Variants in NKAIN3 observed in about 807,000 individuals in gnomAD.
The protein encoded by NKAIN3 is sodium/potassium transporting ATPase interacting 3, also known as sodium/potassium-transporting ATPase subunit beta-1-interacting protein 3.
NKAIN3 carries 25 observed loss-of-function variants against 30.2 expected under a neutral mutation model. That is an observed-to-expected ratio of 0.83 (90% CI 0.60 to 1.16). The LOEUF is 1.16. Among genes scored for constraint, NKAIN3 ranks in the 50% most tolerant of loss-of-function variants. NKAIN3 has a pLI of 0.00. For missense variants in NKAIN3, 225 were observed against 254.1 expected, an observed-to-expected ratio of 0.89 and a Z score of 0.78; for synonymous variants, 91 against 89.6, an observed-to-expected ratio of 1.02 and a Z score of -0.09.
At chr8:62,992,163 A>C (rs1824335162) in intron 5 of NKAIN3, among the ~76,000 whole-genome samples, 1 of 151,630 alleles carries the variant, frequency 6.6e-6, no homozygotes, top group East Asian at 1.9e-4. Context: ...ACAGGCATGC[A>C]CCACCACACC....
chr8:62,414,831 T>C (rs993852750), intron 1 of NKAIN3, among the ~76,000 whole-genome samples: 1 of 151,710 alleles, frequency 6.6e-6, no homozygotes, highest in African/African-American at 2.4e-5. Context: ...TAGTAATTTA[T>C]CATTAATAAT....
intron 1 of NKAIN3, among the ~76,000 whole-genome samples, chr8:62,322,936 C>T (rs1814987588): frequency 1.3e-5 from 2 of 152,174 alleles, no homozygotes; most frequent in South Asian, 2.1e-4. Context: ...CATATGTCAT[C>T]CACATCATAA....
At chr8:62,577,616 A>T (rs2130050607) in intron 1 of NKAIN3, among the ~76,000 whole-genome samples, 1 of 150,378 alleles carries the variant, frequency 6.6e-6, no homozygotes, top group Non-Finnish European at 1.5e-5. Context: ...GGCCCTATAA[A>T]TAAAATGCTG....
intron 3 of NKAIN3, among the ~76,000 whole-genome samples, chr8:62,732,831 A>G (rs1815521697): frequency 6.6e-6 from 1 of 152,048 alleles, no homozygotes; most frequent in Non-Finnish European, 1.5e-5. Flanking sequence ...ATTTTTCTAT[A>G]CATTTACTTT....
At chr8:62,655,365 T>C (rs1443049786) in intron 3 of NKAIN3, among the ~76,000 whole-genome samples, 1 of 152,156 alleles carries the variant, frequency 6.6e-6, no homozygotes, top group African/African-American at 2.4e-5. Flanking sequence ...TATAATTCGA[T>C]TTTAATTTTA....
chr8:62,337,701 CAT>C (rs1314655654), intron 1 of NKAIN3, among the ~76,000 whole-genome samples: 8 of 152,014 alleles, frequency 5.3e-5, no homozygotes, highest in African/African-American at 1.4e-4. Context: ...AACTTTCAAA[CAT>C]GTAACTGAAA....
In NKAIN3 at chr8:62,964,782, C is replaced by A. The variant is rs151264741; in HGVS notation, c.604-572C>A. Among the ~76,000 whole-genome samples, 820 of 151,570 alleles carry A rather than the reference C, an allele frequency of 5.4e-3. 12 individuals carry two copies. Among genetic ancestry groups the A allele is most frequent in the African/African-American group, 0.018 (763 of 41,296 alleles). ...GCTTTACTCAAAGTCTACTGATTTA[C>A]GTGTTAATCACTTTTCAAAATAAAA... On this transcript the variant is annotated intron_variant, in intron 6 of 6. Coordinates refer to ENST00000623646, the MANE Select transcript of NKAIN3 (RefSeq NM_001304533.3).
At chr8:62,991,995 C>A (rs1047526254) in intron 5 of NKAIN3, among the ~76,000 whole-genome samples, 1 of 151,522 alleles carries the variant, frequency 6.6e-6, no homozygotes, top group Admixed American at 6.6e-5. Context: ...CCTCGCCACC[C>A]CACTTTCTTC....
At chr8:62,617,408 T>C (rs1291314788) in intron 3 of NKAIN3, among the ~76,000 whole-genome samples, 2 of 152,112 alleles carry the variant, frequency 1.3e-5, no homozygotes, top group African/African-American at 2.4e-5. Flanking sequence ...TACTAACCCA[T>C]TGAGAAAAGA....
At chr8:62,893,632 G>A (rs1006893194) in intron 4 of NKAIN3, among the ~76,000 whole-genome samples, 5 of 138,572 alleles carry the variant, frequency 3.6e-5, no homozygotes, top group Non-Finnish European at 7.6e-5. Context: ...CAGGGTTTGA[G>A]CTACTCCTTG....
At chr8:62,916,814 G>T (rs1448607269) in intron 4 of NKAIN3, among the ~76,000 whole-genome samples, 5 of 152,118 alleles carry the variant, frequency 3.3e-5, no homozygotes, top group East Asian at 1.9e-4. Flanking sequence ...GGGAGAAAAG[G>T]AGGAAACAAG....
chr8:62,435,467 T>C (rs976898484), intron 1 of NKAIN3, among the ~76,000 whole-genome samples: 3 of 152,170 alleles, frequency 2.0e-5, no homozygotes, highest in African/African-American at 7.2e-5. Context: ...AGATGTAATC[T>C]ACTTAAGTAG....
chr8:62,600,805 T>C (rs751256681), intron 3 of NKAIN3, among the ~76,000 whole-genome samples: 34 of 152,098 alleles, frequency 2.2e-4, no homozygotes, highest in Admixed American at 1.2e-3. Context: ...GGTCCTCTTT[T>C]TAAATCTTTA....
chr8:62,519,983 C>CA (rs1563437351), intron 1 of NKAIN3, among the ~76,000 whole-genome samples: 2 of 151,866 alleles, frequency 1.3e-5, no homozygotes, highest in Non-Finnish European at 1.5e-5. Flanking sequence ...CAGTATTTTC[C>CA]TTTTTTTTGC....
At chr8:62,763,192 G>A (rs1421364129) in intron 4 of NKAIN3, among the ~76,000 whole-genome samples, 2 of 115,126 alleles carry the variant, frequency 1.7e-5, no homozygotes, top group East Asian at 2.9e-4. Context: ...CTGAACTCCA[G>A]CCTGGGCAAC....
chr8:62,774,908 C>T (rs1454892533), intron 4 of NKAIN3, among the ~76,000 whole-genome samples: 1 of 152,126 alleles, frequency 6.6e-6, no homozygotes, highest in East Asian at 1.9e-4. Flanking sequence ...CAGGGTAAAA[C>T]TGGCCTCATG....
intron 1 of NKAIN3, among the ~76,000 whole-genome samples, chr8:62,257,363 C>CTT (rs745511330): frequency 2.0e-4 from 30 of 152,106 alleles, no homozygotes; most frequent in Non-Finnish European, 4.1e-4. Context: ...CTTATTTCAC[C>CTT]TTTTGTTTTA....
chr8:62,527,762 A>G (rs1336677765), intron 1 of NKAIN3, among the ~76,000 whole-genome samples: 6 of 152,166 alleles, frequency 3.9e-5, no homozygotes, highest in Non-Finnish European at 8.8e-5. Context: ...TTTATGTACA[A>G]AACTGTTTCA....
intron 1 of NKAIN3, among the ~76,000 whole-genome samples, chr8:62,462,647 A>G (rs1806032980): frequency 6.6e-6 from 1 of 152,156 alleles, no homozygotes. Context: ...ACAATCTGGG[A>G]ACCATGAGGC....
Sources: allele counts gnomAD v4.1 joint callset (sites outside exome capture counted in the v4.1 genomes callset), GRCh38; gene constraint gnomAD v4.1.1; transcripts MANE v1.5; gene names NCBI Gene and HGNC (gene_info 2026-07-23, HGNC 2026-07-21).